RBFOX1: variants seen among roughly 807,000 people sequenced by gnomAD.
The protein encoded by RBFOX1 is RNA binding protein fox-1 homolog 1.
RBFOX1 carries 8 observed loss-of-function variants against 57.7 expected under a neutral mutation model. The observed-to-expected ratio is 0.14, with a 90% CI of 0.08 to 0.25. The LOEUF (loss-of-function observed/expected upper bound fraction) is 0.25. Ranked by LOEUF, RBFOX1 falls within the 10% of genes least tolerant of loss-of-function variation. The pLI, the probability that RBFOX1 is intolerant of heterozygous loss-of-function variation, is 1.00. For missense variants in RBFOX1, 611 were observed against 548.5 expected, an observed-to-expected ratio of 1.11 and a Z score of -1.14; for synonymous variants, 326 against 222.4, an observed-to-expected ratio of 1.47 and a Z score of -4.15.
chr16:6,574,290 G>A (rs928081121), intron 2 of RBFOX1, among the ~76,000 whole-genome samples: 1 of 152,036 alleles, frequency 6.6e-6, no homozygotes, highest in African/African-American at 2.4e-5. Context: ...TTGCTTTCAT[G>A]CCGGCTCTGC....
At chr16:5,684,576 G>A (rs1200118162) in intron 3 of RBFOX1, among the ~76,000 whole-genome samples, 6 of 152,082 alleles carry the variant, frequency 3.9e-5, no homozygotes, top group South Asian at 2.1e-4. Flanking sequence ...TTCCAAGGAC[G>A]GACACTTGTT....
intron 3 of RBFOX1, among the ~76,000 whole-genome samples, chr16:5,842,158 C>A (rs970309992): frequency 1.6e-4 from 24 of 152,138 alleles, no homozygotes; most frequent in Admixed American, 1.2e-3. Flanking sequence ...CAAGTTTAGA[C>A]TTGTTAGAGG....
chr16:6,882,571 C>T (rs564023586), intron 3 of RBFOX1, among the ~76,000 whole-genome samples: 31 of 151,932 alleles, frequency 2.0e-4, no homozygotes, highest in South Asian at 4.2e-4. Flanking sequence ...ACTGCAGCCT[C>T]GGTGGCAGAG....
At chr16:5,832,338 G>C (rs1484832992) in intron 3 of RBFOX1, among the ~76,000 whole-genome samples, 1 of 152,194 alleles carries the variant, frequency 6.6e-6, no homozygotes, top group Non-Finnish European at 1.5e-5. Context: ...TGAATCCACA[G>C]AAGGAAGGCT....
At chr16:6,841,013 G>A (rs746648167) in intron 3 of RBFOX1, among the ~76,000 whole-genome samples, 20 of 152,208 alleles carry the variant, frequency 1.3e-4, no homozygotes, top group Non-Finnish European at 2.5e-4. Flanking sequence ...CCAGCACCTT[G>A]GGCTTAGCCT....
intron 4 of RBFOX1, among the ~76,000 whole-genome samples, chr16:7,203,579 A>G (rs1476389968): frequency 6.6e-6 from 1 of 152,230 alleles, no homozygotes; most frequent in Admixed American, 6.5e-5. Context: ...TTGGAAAATT[A>G]TAGAGGTGGG....
intron 3 of RBFOX1, among the ~76,000 whole-genome samples, chr16:6,987,387 C>T (rs906240024): frequency 6.6e-6 from 1 of 150,942 alleles, no homozygotes; most frequent in Admixed American, 6.6e-5. Context: ...ACCATGGTTT[C>T]TGATTCCAGG....
At chr16:6,962,159 C>T (rs1041042011) in intron 3 of RBFOX1, among the ~76,000 whole-genome samples, 1 of 152,166 alleles carries the variant, frequency 6.6e-6, no homozygotes, top group Non-Finnish European at 1.5e-5. Flanking sequence ...TCCCTCCTTT[C>T]TACTTCCAAA....
intron 4 of RBFOX1, among the ~76,000 whole-genome samples, chr16:7,143,614 TTC>T (rs1274077490): frequency 6.6e-6 from 1 of 152,144 alleles, no homozygotes; most frequent in Non-Finnish European, 1.5e-5. Context: ...TTTTTATCTT[TTC>T]TGTGTCCTTG....
At chr16:6,897,544 A>G (rs1384514621) in intron 3 of RBFOX1, among the ~76,000 whole-genome samples, 5 of 152,228 alleles carry the variant, frequency 3.3e-5, no homozygotes, top group South Asian at 4.1e-4. Flanking sequence ...CTGTAATCCC[A>G]ACACTTTGGG....
rs1367034060 is a variant in RBFOX1, at chr16:6,782,959, A to G, written c.-16+128309A>G. Among the ~76,000 whole-genome samples the G allele has an allele frequency of 2.0e-5, 3 of 151,982 alleles. No individual in the cohort carries two copies. The East Asian group carries it at 5.8e-4, about 29-fold the overall frequency. ...TTACAGTTCTTATATCCTGTTGCTG[A>G]GTTGACTTCTTTATCATTATATAAT... On this transcript the variant is annotated intron_variant, in intron 3 of 15. Coordinates refer to ENST00000550418, the MANE Select transcript of RBFOX1 (RefSeq NM_018723.4).
intron 2 of RBFOX1, among the ~76,000 whole-genome samples, chr16:5,560,780 G>A (rs191123714): frequency 6.6e-6 from 1 of 152,260 alleles, no homozygotes; most frequent in African/African-American, 2.4e-5. Context: ...GCTCCATGCT[G>A]CCAAATCTAA....
At chr16:5,822,611 G>A (rs1302714558) in intron 3 of RBFOX1, among the ~76,000 whole-genome samples, 2 of 152,192 alleles carry the variant, frequency 1.3e-5, no homozygotes, top group Non-Finnish European at 2.9e-5. Flanking sequence ...GGCAAGAATT[G>A]AGGTGATAGG....
At chr16:6,116,751 G>A (rs899649038) in intron 1 of RBFOX1, among the ~76,000 whole-genome samples, 2 of 152,194 alleles carry the variant, frequency 1.3e-5, no homozygotes. Flanking sequence ...TCAGCTGATA[G>A]GGGAGAAAAC....
At chr16:6,961,101 C>G (rs985820552) in intron 3 of RBFOX1, among the ~76,000 whole-genome samples, 3 of 137,670 alleles carry the variant, frequency 2.2e-5, no homozygotes, top group Non-Finnish European at 4.7e-5. Context: ...CGAGATCATG[C>G]CACTGCATTC....
intron 1 of RBFOX1, among the ~76,000 whole-genome samples, chr16:5,253,764 C>A (rs1345852035): frequency 6.6e-6 from 1 of 152,252 alleles, no homozygotes; most frequent in Non-Finnish European, 1.5e-5. Flanking sequence ...TCTCTGGCCT[C>A]TTTCAGGCTC....
chr16:5,803,138 T>C (rs1465454837), intron 3 of RBFOX1, among the ~76,000 whole-genome samples: 2 of 152,144 alleles, frequency 1.3e-5, no homozygotes, highest in Admixed American at 6.5e-5. Flanking sequence ...CTCCATCCGC[T>C]GTATCCCTCC....
chr16:7,193,940 C>G (rs943733804), intron 4 of RBFOX1, among the ~76,000 whole-genome samples: 7 of 151,208 alleles, frequency 4.6e-5, no homozygotes, highest in African/African-American at 1.5e-4. Context: ...ATAGTAGCAT[C>G]TATCTCTAGC....
intron 4 of RBFOX1, among the ~76,000 whole-genome samples, chr16:7,247,419 C>G (rs1450390459): frequency 1.3e-5 from 2 of 152,034 alleles, no homozygotes; most frequent in Admixed American, 6.6e-5. Flanking sequence ...TGGTGATCTA[C>G]CACACACTAA....
Sources: allele counts gnomAD v4.1 joint callset (sites outside exome capture counted in the v4.1 genomes callset), GRCh38; gene constraint gnomAD v4.1.1; transcripts MANE v1.5; gene names NCBI Gene and HGNC (gene_info 2026-07-23, HGNC 2026-07-21).